ARSG: variants seen among roughly 807,000 people sequenced by gnomAD.
ARSG encodes ASG.
In ARSG, 37 loss-of-function variants were observed where a neutral mutation model predicts 50.5. That is an observed-to-expected ratio of 0.73 (90% CI 0.56 to 0.96). The LOEUF is 0.96. Among genes scored for constraint, ARSG ranks in the 50% least tolerant of loss-of-function variants. The pLI is 0.00. For synonymous variants in ARSG, 225 were observed against 254.6 expected, an observed-to-expected ratio of 0.88 and a Z score of 1.11; for missense variants, 629 against 675.3, an observed-to-expected ratio of 0.93 and a Z score of 0.76.
At chr17:68,272,793 A>G (rs984998589) in intron 1 of ARSG, 7 of 1,612,644 alleles carry the variant, frequency 4.3e-6, no homozygotes, top group Admixed American at 3.3e-5. Flanking sequence ...CAAAAAAGCC[A>G]ATGAGACCCA....
At chr17:68,430,961 G>A in the ARSG span, among the ~76,000 whole-genome samples, 9 of 152,240 alleles carry the variant, frequency 5.9e-5, no homozygotes, top group Admixed American at 5.9e-4. Context: ...AATGGGCTAG[G>A]GGGTCTTTGG....
In ARSG at chr17:68,271,775, TATACTC is replaced by T; in HGVS notation, c.-552+12351_-552+12356del. 1 of 721,958 alleles carries T rather than the reference TATACTC, an allele frequency of 1.4e-6. No homozygotes were observed. Among genetic ancestry groups the T allele is most frequent in the Non-Finnish European group, 2.3e-6 (1 of 435,956 alleles). 44.7% of individuals were successfully genotyped at this position (721,958 alleles called of 1,614,324 possible). A position where few individuals can be genotyped will look rare whatever the true frequency, so the allele number is the denominator to read the frequency against. On this transcript the variant is annotated intron_variant, in intron 1 of 11. Transcript: ENST00000448504. The surrounding 1 kb of genome is among the most constrained non-coding windows in gnomAD (Gnocchi z 5.3). Reference sequence around the variant, plus strand: ...TGTTATAAGTTCTGTGGAAATTTATTATACTCAGCAGTATGAATGTACTCAATCTTT... The same window carrying T: ...TGTTATAAGTTCTGTGGAAATTTATTAGCAGTATGAATGTACTCAATCTTT...
the ARSG span, chr17:68,435,536 C>A: frequency 7.5e-7 from 1 of 1,335,578 alleles, no homozygotes; most frequent in Non-Finnish European, 1.1e-6. Flanking sequence ...CTTCATGTCA[C>A]CAGGTTTGTT....
At chr17:68,442,395 G>T in the ARSG span, among the ~76,000 whole-genome samples, 1 of 151,438 alleles carries the variant, frequency 6.6e-6, no homozygotes, top group Admixed American at 6.6e-5. Flanking sequence ...AATCCGGGAG[G>T]CGAAGGTTGC....
chr17:68,388,922 CAAAAAAAAAAA>C (rs35105754), intron 9 of ARSG, among the ~76,000 whole-genome samples: 71 of 108,050 alleles, frequency 6.6e-4, no homozygotes, highest in African/African-American at 2.2e-3. Flanking sequence ...GACTCTGTCT[CAAAAAAAAAAA>C]AAAAAAAAAA....
At chr17:68,331,177 GTTTC>G (rs71142163) in intron 2 of ARSG, among the ~76,000 whole-genome samples, 6,037 of 118,978 alleles carry the variant, frequency 0.051, 268 homozygotes, top group Non-Finnish European at 0.066. Context: ...CAAAGACAGG[GTTTC>G]TTTCTTTCTT....
intron 1 of ARSG, among the ~76,000 whole-genome samples, chr17:68,276,926 A>G (rs1469624826): frequency 1.3e-5 from 2 of 152,178 alleles, no homozygotes; most frequent in African/African-American, 4.8e-5. Context: ...ATTTTATTTT[A>G]TGCGATTGGG....
chr17:68,427,109 C>A, downstream of ARSG: 1 of 1,583,922 alleles, frequency 6.3e-7, no homozygotes, highest in Non-Finnish European at 8.7e-7. Context: ...TGGAGATGCT[C>A]CCCTGTTGGC....
chr17:68,437,016 A>ATGTGTGTGTGTGTGTGTGTGTGTG, the ARSG span, among the ~76,000 whole-genome samples: 87 of 144,660 alleles, frequency 6.0e-4, 1 homozygote, highest in East Asian at 5.0e-3. Flanking sequence ...ATATATATAT[A>ATGTGTGTGTGTGTGTGTGTGTGTG]TGTGTGTGTG....
intron 8 of ARSG, among the ~76,000 whole-genome samples, chr17:68,382,638 AG>A (rs1167204323): frequency 1.3e-5 from 2 of 152,184 alleles, no homozygotes; most frequent in African/African-American, 4.8e-5. Context: ...ACACAATCCT[AG>A]GGGCCGATAG....
chr17:68,385,067 G>A lies in ARSG; in HGVS notation c.986G>A (p.Gly329Glu), dbSNP rs1366662860. ...GCTGCCTCCCCTCCTCTCACAGGGGGAAGTCCAGCCAAGCAGACGACCTGG... is the reference window on the plus strand; with the variant it reads ...GCTGCCTCCCCTCCTCTCACAGGGGAAAGTCCAGCCAAGCAGACGACCTGG... ...FTGFWQTRQG[G>E]SPAKQTTWEG... Residue 329 changes from glycine (G) to glutamate (E), a missense_variant, in exon 9 of 12, where the codon GGA becomes GAA. Coordinates refer to ENST00000621439, the MANE Select transcript of ARSG (RefSeq NM_001267727.2). 2.5e-6 allele frequency: 4 copies of A among 1,613,816 alleles called. No individual in the cohort carries two copies. The African/African-American group carries it at 5.3e-5, about 22-fold the overall frequency.
intron 5 of ARSG, among the ~76,000 whole-genome samples, chr17:68,354,451 C>T (rs1490371858): frequency 1.3e-5 from 2 of 148,524 alleles, no homozygotes; most frequent in East Asian, 4.0e-4. Context: ...AAAAATCAAA[C>T]AGAGAAATAA....
At chr17:68,449,468 A>G in the ARSG span, among the ~76,000 whole-genome samples, 1 of 152,206 alleles carries the variant, frequency 6.6e-6, no homozygotes, top group South Asian at 2.1e-4. Context: ...TATGATTCAG[A>G]TCAGTGTCCC....
intron 2 of ARSG, among the ~76,000 whole-genome samples, chr17:68,308,905 T>G (rs1297652737): frequency 6.6e-6 from 1 of 152,258 alleles, no homozygotes; most frequent in African/African-American, 2.4e-5. Context: ...TCCCGCGCCC[T>G]GCGCCTGCAC....
At chr17:68,345,175 G>A (rs2078448627) in intron 3 of ARSG, among the ~76,000 whole-genome samples, 2 of 152,194 alleles carry the variant, frequency 1.3e-5, no homozygotes, top group Non-Finnish European at 2.9e-5. Context: ...ATGCGTCCAT[G>A]TAAACCTCAC....
Position 68,420,270 on chromosome 17 carries a change from C to T in ARSG, c.1385C>T (p.Thr462Ile), listed in dbSNP as rs764217609. 2 of 1,614,132 alleles carry T rather than the reference C, an allele frequency of 1.2e-6. No homozygotes were observed. The highest frequency in any genetic ancestry group is 1.7e-6 in the Non-Finnish European group (2 of 1,180,020). ...CTGATTTTCAACCTGGAAGACGATA[C>T]CGCAGAAGCTGTGCCCCTAGAAAGA... is the stretch of plus-strand genomic sequence containing the variant. ...FPLIFNLEDDTAEAVPLERGG... is the reference protein window; with the variant it reads ...FPLIFNLEDDIAEAVPLERGG... The change falls in exon 12 of 12, where the codon ACC (threonine) becomes ATC (isoleucine). Residue 462 changes from threonine (T) to isoleucine (I), a missense_variant. Thr to Ile is a moderately conservative substitution (Grantham distance 89). Transcript: ENST00000621439.
At chr17:68,310,550 C>T (rs2076810481) in intron 2 of ARSG, among the ~76,000 whole-genome samples, 1 of 152,084 alleles carries the variant, frequency 6.6e-6, no homozygotes, top group Admixed American at 6.6e-5. Context: ...AGCGTTAGAG[C>T]TTTCAGACTT....
chr17:68,435,760 G>A, the ARSG span: 1 of 1,556,940 alleles, frequency 6.4e-7, no homozygotes, highest in Non-Finnish European at 8.9e-7. Flanking sequence ...GAGGAGGGAA[G>A]ATGGATTTCA....
downstream of ARSG, among the ~76,000 whole-genome samples, chr17:68,424,085 G>A (rs2082985205): frequency 6.6e-6 from 1 of 152,094 alleles, no homozygotes; most frequent in African/African-American, 2.4e-5. Context: ...GCAGAAGAAC[G>A]CCCTTTAAGG....
Sources: allele counts gnomAD v4.1 joint callset (sites outside exome capture counted in the v4.1 genomes callset), GRCh38; gene constraint gnomAD v4.1.1; non-coding constraint Gnocchi (gnomAD v3.1); transcripts MANE v1.5; gene names NCBI Gene and HGNC (gene_info 2026-07-23, HGNC 2026-07-21).